EEF1E1: variants seen among roughly 807,000 people sequenced by gnomAD.
The protein encoded by EEF1E1 is eukaryotic translation elongation factor 1 epsilon 1.
A neutral mutation model predicts 19.9 loss-of-function variants in EEF1E1; 19 were observed. The observed-to-expected ratio is 0.95, with a 90% CI of 0.66 to 1.40. The LOEUF is 1.40. Among genes scored for constraint, EEF1E1 ranks in the 40% most tolerant of loss-of-function variants. EEF1E1 has a pLI of 0.00. For synonymous variants in EEF1E1, 81 were observed against 80.0 expected, an observed-to-expected ratio of 1.01 and a Z score of -0.07; for missense variants, 198 against 202.2, an observed-to-expected ratio of 0.98 and a Z score of 0.13.
chr6:8,078,385 T>C (rs908086544), downstream of EEF1E1: 4 of 178,898 alleles, frequency 2.2e-5, no homozygotes, highest in South Asian at 9.7e-5. Context: ...TGAAGTCTTA[T>C]ATGGGCATGG....
chr6:8,085,010 AAAG>A lies in EEF1E1; in HGVS notation c.385-4983_385-4981del, dbSNP rs887957174. On this transcript the variant is annotated intron_variant, in intron 3 of 3. Coordinates refer to ENST00000379715, the MANE Select transcript of EEF1E1 (RefSeq NM_004280.5). The stretch of plus-strand genomic sequence containing the variant: ...AACATATTGAACCTAGCATGGAATA[AAAG>A]AAGGTGGTAATCAATGTACTTCAGC... 1.1e-4 allele frequency among the ~76,000 whole-genome samples: 16 copies of A among 152,358 alleles called. 1 individual carries two copies. The highest frequency in any genetic ancestry group is 4.1e-4 in the South Asian group (2 of 4,834).
In EEF1E1 at chr6:8,097,321, C is replaced by A. The variant is rs1478186913; in HGVS notation, c.234G>T (p.Arg78Ser). 41 of 1,613,942 alleles carry A rather than the reference C, an allele frequency of 2.5e-5. No individual in the cohort carries two copies. The Admixed American group carries it at 6.0e-4, about 24-fold the overall frequency. Residue 78 changes from arginine (R) to serine (S), a missense_variant, in exon 2 of 4, where the codon AGG becomes AGT. Coordinates refer to ENST00000379715, the MANE Select transcript of EEF1E1 (RefSeq NM_004280.5). ...KAIVQQWLEY[R>S]VTQVDGHSSK... ...TGGAGTGCCCATCTACTTGAGTGAC[C>A]CTGTATTCTAACCACTGCTGAACGA...
chr6:8,102,387 C>A, intron 1 of EEF1E1, 48 bp downstream of exon 1: 2 of 1,568,802 alleles, frequency 1.3e-6, no homozygotes, highest in African/African-American at 2.7e-5. Flanking sequence ...GCTCGGCAGG[C>A]CCCGCTCCCG....
At chr6:8,073,531 G>A (rs1262462029) in intron 3 of EEF1E1, 1 of 1,551,462 alleles carries the variant, frequency 6.4e-7, no homozygotes, top group Non-Finnish European at 8.7e-7. Flanking sequence ...GGATAAAAAA[G>A]GAGTTAATTC....
intron 3 of EEF1E1, among the ~76,000 whole-genome samples, chr6:8,087,622 G>C (rs1291633572): frequency 1.3e-5 from 2 of 152,228 alleles, no homozygotes; most frequent in Non-Finnish European, 2.9e-5. Context: ...CAAAGTGCTG[G>C]GATTACAGGG....
intron 1 of EEF1E1, chr6:8,101,817 CA>C (rs1310915408): frequency 7.8e-7 from 1 of 1,289,174 alleles, no homozygotes; most frequent in East Asian, 5.5e-5. Context: ...ACTGATAATC[CA>C]AGGCTTTAGA....
rs1757681093 is a variant in EEF1E1, at chr6:8,079,785, C to T, written c.*105G>A. On this transcript the variant is annotated 3_prime_UTR_variant, in exon 4 of 4. Transcript: ENST00000379715. ...ACTTCAAAAATTCTATCAACTTCAA[C>T]AAATAATGAATGACTGTATATTAAT... The T allele has an allele frequency of 8.0e-6, 11 of 1,372,130 alleles. No individual in the cohort carries two copies. The South Asian group carries it at 1.7e-4, about 22-fold the overall frequency. 85.0% of individuals were successfully genotyped at this position (1,372,130 alleles called of 1,614,324 possible).
At chr6:8,090,951 G>A (rs1264698909) in intron 2 of EEF1E1, among the ~76,000 whole-genome samples, 3 of 152,100 alleles carry the variant, frequency 2.0e-5, no homozygotes, top group Admixed American at 6.5e-5. Flanking sequence ...AGACATAGTT[G>A]TTTCCACTTC....
At chr6:8,078,461 G>T (rs149531254), downstream of EEF1E1, 277 of 241,802 alleles carry the variant, frequency 1.1e-3, 3 homozygotes, top group African/African-American at 6.2e-3. Context: ...AGTTAACAGA[G>T]AGAGTAATGA....
intron 1 of EEF1E1, chr6:8,101,748 A>T (rs1026061952): frequency 5.4e-6 from 7 of 1,288,924 alleles, no homozygotes; most frequent in Admixed American, 4.6e-5. Flanking sequence ...ACAGTGCCTA[A>T]CCAGGCAATC....
chr6:8,080,638 T>C (rs1038441441), intron 3 of EEF1E1, among the ~76,000 whole-genome samples: 1 of 152,198 alleles, frequency 6.6e-6, no homozygotes, highest in African/African-American at 2.4e-5. Context: ...AAACTGCAGG[T>C]GCTTATCATT....
In EEF1E1 at chr6:8,097,250, A is replaced by G; in HGVS notation, c.288+17T>C. On this transcript the variant is annotated intron_variant, in intron 2 of 3. Transcript: ENST00000379715. ...TAACAGTTCATGCATTTCAGCCTAT[A>G]AGAGAAGTCACGATACCTTCAACAG... The G allele has an allele frequency of 2.5e-6, 4 of 1,611,776 alleles. No homozygotes were observed. The highest frequency in any genetic ancestry group is 1.7e-4 in the Middle Eastern group (1 of 6,058).
intron 3 of EEF1E1, among the ~76,000 whole-genome samples, chr6:8,081,232 T>C (rs1259173860): frequency 6.6e-6 from 1 of 152,238 alleles, no homozygotes; most frequent in Non-Finnish European, 1.5e-5. Context: ...ACTTAAGTCC[T>C]ACACACAAGC....
At chr6:8,089,104 C>T (rs1427938329) in intron 3 of EEF1E1, among the ~76,000 whole-genome samples, 1 of 151,940 alleles carries the variant, frequency 6.6e-6, no homozygotes. Context: ...TGGCCAAGAG[C>T]CGGGAACTTA....
chr6:8,081,720 T>C (rs1290300848), intron 3 of EEF1E1, among the ~76,000 whole-genome samples: 1 of 152,218 alleles, frequency 6.6e-6, no homozygotes, highest in African/African-American at 2.4e-5. Flanking sequence ...AAATGGGAGC[T>C]TTCTTACCAA....
At chr6:8,099,791 C>CAAAAAAA (rs3031799) in intron 1 of EEF1E1, among the ~76,000 whole-genome samples, 16 of 114,618 alleles carry the variant, frequency 1.4e-4, no homozygotes, top group Non-Finnish European at 2.5e-4. Context: ...CACACACACA[C>CAAAAAAA]AAAAAAAAAA....
chr6:8,088,465 T>C (rs1032447415), intron 3 of EEF1E1, among the ~76,000 whole-genome samples: 3 of 152,132 alleles, frequency 2.0e-5, no homozygotes, highest in Non-Finnish European at 2.9e-5. Context: ...GTCTTCCCTG[T>C]GCTGTTCTTG....
intron 2 of EEF1E1, among the ~76,000 whole-genome samples, chr6:8,091,199 C>T (rs1400586806): frequency 6.6e-6 from 1 of 152,142 alleles, no homozygotes; most frequent in Admixed American, 6.6e-5. Flanking sequence ...TTGTGTTGCT[C>T]TGTGGGATTT....
At chr6:8,084,722 G>A (rs764952316) in intron 3 of EEF1E1, among the ~76,000 whole-genome samples, 4 of 152,080 alleles carry the variant, frequency 2.6e-5, no homozygotes, top group Non-Finnish European at 5.9e-5. Context: ...TATATATTTC[G>A]TAAAAAGCCA....
Sources: gnomAD v4.1 joint callset for allele counts (sites outside exome capture counted in the v4.1 genomes callset) on GRCh38, gnomAD v4.1.1 for gene constraint, MANE v1.5 for transcripts, NCBI Gene and HGNC (gene_info 2026-07-23, HGNC 2026-07-21) for gene names.